The following FAM53A variants were observed in gnomAD, a reference collection of about 807,000 sequenced individuals.
FAM53A encodes protein FAM53A.
FAM53A carries 28 observed loss-of-function variants against 26.6 expected under a neutral mutation model. The ratio of observed to expected loss-of-function variants is 1.05; its 90% confidence interval spans 0.78 to 1.45. The LOEUF (loss-of-function observed/expected upper bound fraction) is 1.45. Among genes scored for constraint, FAM53A ranks in the 40% most tolerant of loss-of-function variants. The probability of loss-of-function intolerance (pLI) is 0.00; values close to 1 mark genes in which losing one functional copy is unlikely to be tolerated. For missense variants in FAM53A, 650 were observed against 575.8 expected (o/e 1.13, Z -1.32); for synonymous variants, 290 against 253.1 (o/e 1.15, Z -1.38).
At chr4:1,597,139 C>G in the FAM53A span, among the ~76,000 whole-genome samples, 1 of 152,164 alleles carries the variant, frequency 6.6e-6, no homozygotes, top group Non-Finnish European at 1.5e-5. Flanking sequence ...GGCCTGGGCT[C>G]CCCAGACACC....
downstream of FAM53A, among the ~76,000 whole-genome samples, chr4:1,615,452 G>A (rs1298018591): frequency 9.7e-5 from 9 of 92,828 alleles, no homozygotes; most frequent in African/African-American, 1.8e-4. Context: ...CCCACCCTAC[G>A]TGGGCACACA....
the FAM53A span, among the ~76,000 whole-genome samples, chr4:1,607,832 C>T: frequency 2.0e-5 from 3 of 151,942 alleles, no homozygotes; most frequent in Non-Finnish European, 4.4e-5. Context: ...CCCAGCTACT[C>T]GGGAGGCTGA....
intron 1 of FAM53A, 35 bp from the exon 2 acceptor site, chr4:1,668,940 A>G (rs373074978): frequency 1.8e-6 from 1 of 541,710 alleles, no homozygotes. Flanking sequence ...TCATGTGATT[A>G]TACGCAAAAC....
chr4:1,668,189 G>C (rs1017683013), intron 2 of FAM53A, among the ~76,000 whole-genome samples: 1 of 152,026 alleles, frequency 6.6e-6, no homozygotes, highest in African/African-American at 2.4e-5. Context: ...TCCCAGGCTG[G>C]AGTGCAGTGG....
downstream of FAM53A, among the ~76,000 whole-genome samples, chr4:1,614,331 GGTGAGGGGGATACAGAGAA>G (rs374636130): frequency 4.8e-5 from 7 of 146,964 alleles, no homozygotes; most frequent in African/African-American, 1.9e-4. Context: ...CCGGCGAAGG[GGTGAGGGGGATACAGAGAA>G]GTGAGGGGGA....
At chr4:1,584,785 G>A in the FAM53A span, among the ~76,000 whole-genome samples, 1 of 152,240 alleles carries the variant, frequency 6.6e-6, no homozygotes, top group Non-Finnish European at 1.5e-5. Flanking sequence ...AGTGTCCCAA[G>A]AGGACAGGCA....
chr4:1,617,415 GGGAAGTGCTGAAGCCTTCCCTC>G (rs1714849429), downstream of FAM53A, among the ~76,000 whole-genome samples: 1 of 152,110 alleles, frequency 6.6e-6, no homozygotes. Flanking sequence ...ACCAGCTTCA[GGGAAGTGCTGAAGCCTTCCCTC>G]CCTGGTGTCC....
intron 1 of FAM53A, among the ~76,000 whole-genome samples, chr4:1,620,872 G>A (rs1182134493): frequency 6.6e-6 from 1 of 152,160 alleles, no homozygotes; most frequent in East Asian, 1.9e-4. Flanking sequence ...TGAGACCAGA[G>A]TTGGAGGTGG....
the FAM53A span, among the ~76,000 whole-genome samples, chr4:1,610,651 G>A: frequency 2.0e-5 from 3 of 152,068 alleles, no homozygotes; most frequent in South Asian, 2.1e-4. Flanking sequence ...TCCGCGACGT[G>A]GGGGGCGGCC....
chr4:1,601,760 C>T, the FAM53A span, among the ~76,000 whole-genome samples: 5 of 107,908 alleles, frequency 4.6e-5, 2 homozygotes, highest in South Asian at 5.6e-4. Context: ...ATGTGTCCCT[C>T]CTGGGGGCCC....
At chr4:1,654,631 G>T (rs1467324057) in intron 4 of FAM53A, among the ~76,000 whole-genome samples, 4 of 152,224 alleles carry the variant, frequency 2.6e-5, no homozygotes, top group Admixed American at 1.3e-4. Context: ...AAAGTCAGGG[G>T]ACTCCCCAGC....
the FAM53A span, among the ~76,000 whole-genome samples, chr4:1,603,341 A>G: frequency 2.0e-5 from 3 of 152,206 alleles, no homozygotes; most frequent in African/African-American, 7.2e-5. Context: ...GGCCAGCCAC[A>G]GTCCCTGAGG....
chr4:1,663,484 C>CA (rs1714003860), intron 2 of FAM53A, among the ~76,000 whole-genome samples: 1 of 152,096 alleles, frequency 6.6e-6, no homozygotes. Flanking sequence ...AACAGAGGAA[C>CA]GGATGAGCAA....
downstream of FAM53A, among the ~76,000 whole-genome samples, chr4:1,637,347 G>A (rs141597537): frequency 7.9e-5 from 12 of 152,278 alleles, no homozygotes; most frequent in Admixed American, 5.2e-4. Context: ...CAGCCAGGCC[G>A]TCCCCACCTC....
chr4:1,658,600 G>A (rs1026543364), intron 2 of FAM53A, among the ~76,000 whole-genome samples: 2 of 152,256 alleles, frequency 1.3e-5, no homozygotes, highest in Admixed American at 6.5e-5. Context: ...GAAAGCCACA[G>A]GGCGTGGTGG....
At chr4:1,644,412 G>T in intron 4 of FAM53A, 1 of 1,509,750 alleles carries the variant, frequency 6.6e-7, no homozygotes, top group Non-Finnish European at 8.8e-7. Context: ...AAAAACTTCT[G>T]CCCACAGACA....
chr4:1,597,850 G>A, the FAM53A span, among the ~76,000 whole-genome samples: 54 of 152,340 alleles, frequency 3.5e-4, no homozygotes, highest in Non-Finnish European at 7.2e-4. Context: ...ACAAAAATTC[G>A]CCGGATGTGG....
intron 4 of FAM53A, chr4:1,644,372 G>A (rs375192844): frequency 2.9e-5 from 44 of 1,533,054 alleles, no homozygotes; most frequent in East Asian, 1.5e-4. Flanking sequence ...GGCTCTGAAC[G>A]CCTCTGGACG....
the FAM53A span, among the ~76,000 whole-genome samples, chr4:1,595,391 T>C: frequency 1.3e-5 from 2 of 152,154 alleles, no homozygotes; most frequent in African/African-American, 4.8e-5. Flanking sequence ...CTTTTGTCTA[T>C]TGAAGGCTGA....
Sources: allele counts gnomAD v4.1 joint callset (sites outside exome capture counted in the v4.1 genomes callset), GRCh38; gene constraint gnomAD v4.1.1; transcripts MANE v1.5; gene names NCBI Gene and HGNC (gene_info 2026-07-23, HGNC 2026-07-21).